The following REG1A variants were observed in gnomAD, a reference collection of about 807,000 sequenced individuals.
REG1A encodes the protein lithostathine-1-alpha.
Under a neutral mutation model 20.7 loss-of-function variants are expected in REG1A, and 20 were observed. The observed-to-expected ratio is 0.97, with a 90% CI of 0.68 to 1.41. REG1A has a LOEUF of 1.41. REG1A is among the 40% of genes most tolerant of loss of function. The pLI, the probability that REG1A is intolerant of heterozygous loss-of-function variation, is 0.00. For synonymous variants in REG1A, 90 were observed against 71.6 expected, an observed-to-expected ratio of 1.26 and a Z score of -1.30; for missense variants, 193 against 201.8, an observed-to-expected ratio of 0.96 and a Z score of 0.26.
chr2:79,120,820 T>A lies in REG1A; in HGVS notation c.-42T>A, dbSNP rs1672871590. 2 of 1,542,854 alleles carry A rather than the reference T, an allele frequency of 1.3e-6. No homozygotes were observed. Among genetic ancestry groups the A allele is most frequent in the Non-Finnish European group, 1.8e-6 (2 of 1,123,690 alleles). ...CTTCTCTGTGTTCTCCTATAGAGATTGTTGATTTGCCTCTTAAGCAAGAGA... is the reference window on the plus strand; with the variant it reads ...CTTCTCTGTGTTCTCCTATAGAGATAGTTGATTTGCCTCTTAAGCAAGAGA... On this transcript the variant is annotated 5_prime_UTR_variant, in exon 2 of 6. Coordinates refer to ENST00000233735, the MANE Select transcript of REG1A (RefSeq NM_002909.5).
Position 79,120,903 on chromosome 2 carries a change from G to A in REG1A, c.42G>A (p.Leu14=), listed in dbSNP as rs1235055407. ...TSSYFMLISC[L]MFLSQSQGQE... is the part of the protein sequence containing the mutation. ...CATACTTCATGCTGATCTCCTGCCT[G>A]ATGTTTCTGTCTCAGAGCCAAGGTA... Residue 14 remains leucine, a synonymous_variant, in exon 2 of 6, where the codon CTG becomes CTA. Coordinates refer to ENST00000233735, the MANE Select transcript of REG1A (RefSeq NM_002909.5). 20 of 1,613,016 alleles carry A rather than the reference G, an allele frequency of 1.2e-5. No homozygotes were observed. The highest frequency in any genetic ancestry group is 1.6e-5 in the Non-Finnish European group (19 of 1,179,564).
chr2:79,121,107 G>A (rs1672877990), intron 2 of REG1A, among the ~76,000 whole-genome samples, 182 bp downstream of exon 2: 1 of 152,042 alleles, frequency 6.6e-6, no homozygotes, highest in South Asian at 2.1e-4. Flanking sequence ...ACCTCATTAA[G>A]GAGTTGGAGC....
intron 1 of REG1A, 76 bp downstream of exon 1, chr2:79,120,590 AGTT>A: frequency 8.3e-6 from 3 of 361,826 alleles, no homozygotes; most frequent in Non-Finnish European, 1.5e-5. Context: ...ATACAGCATG[AGTT>A]TCTGTCCAAG....
rs1377518172 is a variant in REG1A at position 79,122,051 on chromosome 2, T to A, written c.247T>A (p.Phe83Ile). ...TGTGCTCACCCAGGCCGAGGGTGCC[T>A]TTGTGGCCTCACTGATTAAGGAGAG... Reference protein sequence around the residue: ...VSVLTQAEGAFVASLIKESGT... With the variant: ...VSVLTQAEGAIVASLIKESGT... The change falls in exon 4 of 6, where the codon TTT becomes ATT. Residue 83 changes from phenylalanine to isoleucine, a missense_variant. Phe to Ile is a conservative substitution (Grantham distance 21). Coordinates refer to ENST00000233735, the MANE Select transcript of REG1A (RefSeq NM_002909.5). 28 of 1,614,090 alleles carry A rather than the reference T, an allele frequency of 1.7e-5. No individual in the cohort carries two copies. Among genetic ancestry groups the A allele is most frequent in the Non-Finnish European group, 2.4e-5 (28 of 1,180,016 alleles).
chr2:79,123,047 C>CCTT (rs1558547167), intron 5 of REG1A, 95 bp downstream of exon 5: 1 of 1,435,222 alleles, frequency 7.0e-7, no homozygotes, highest in African/African-American at 1.4e-5. Context: ...GTGAACTCCT[C>CCTT]ATTAAGGAAA....
intron 4 of REG1A, 67 bp from the exon 5 acceptor site, chr2:79,122,774 C>A: frequency 9.5e-7 from 1 of 1,053,834 alleles, no homozygotes; most frequent in Non-Finnish European, 1.5e-6. Context: ...TGAGTGTGCA[C>A]ACAGGCCCAG....
At chr2:79,120,952 T>A (rs1380068385) in intron 2 of REG1A, 27 bp downstream of exon 2, 1 of 1,593,580 alleles carries the variant, frequency 6.3e-7, no homozygotes, top group Non-Finnish European at 8.6e-7. Flanking sequence ...ACCAACCAAC[T>A]CTTTCTAGCC....
rs773602919 is a variant in REG1A, at chr2:79,121,669, G to A, written c.172G>A (p.Val58Ile). Residue 58 changes from valine to isoleucine, a missense_variant, in exon 3 of 6, where the codon GTT becomes ATT. By Grantham distance (29) the Val-to-Ile change is conservative. Coordinates refer to ENST00000233735, the MANE Select transcript of REG1A (RefSeq NM_002909.5). ...YYFNEDRETW[V>I]DADLYCQNMN... Reference sequence around the variant, plus strand: ...CTTTAATGAAGACCGTGAGACCTGGGTTGATGCAGATGTGAGTGAGGAGAG... The same window carrying A: ...CTTTAATGAAGACCGTGAGACCTGGATTGATGCAGATGTGAGTGAGGAGAG... 2.5e-6 allele frequency: 4 copies of A among 1,613,998 alleles called. No individual in the cohort carries two copies. The South Asian group carries it at 4.4e-5, about 18-fold the overall frequency.
At chr2:79,121,266 A>C (rs535076743) in intron 2 of REG1A, among the ~76,000 whole-genome samples, 1 of 152,294 alleles carries the variant, frequency 6.6e-6, no homozygotes, top group South Asian at 2.1e-4. Flanking sequence ...GTGTTCAGGG[A>C]AACCAAGTCA....
Position 79,122,034 on chromosome 2 carries a change from C to T in REG1A, c.230C>T (p.Thr77Ile). The change falls in exon 4 of 6, where the codon ACC (threonine) becomes ATC (isoleucine). Residue 77 changes from threonine (T) to isoleucine (I), a missense_variant. Transcript: ENST00000233735. ...TCGGGCAACCTGGTGTCTGTGCTCA[C>T]CCAGGCCGAGGGTGCCTTTGTGGCC... ...MNSGNLVSVL[T>I]QAEGAFVASL... 6.2e-7 allele frequency: 1 copy of T among 1,614,094 alleles called. No individual in the cohort carries two copies. The highest frequency in any genetic ancestry group is 8.5e-7 in the Non-Finnish European group (1 of 1,180,022).
intron 2 of REG1A, 103 bp downstream of exon 2, chr2:79,121,028 C>T (rs2104062722): frequency 2.3e-6 from 2 of 887,618 alleles, no homozygotes; most frequent in Non-Finnish European, 3.5e-6. Flanking sequence ...AGCAGAGTCA[C>T]TGTTAAGGGT....
At chr2:79,122,780 C>A in intron 4 of REG1A, 61 bp from the exon 5 acceptor site, 3 of 1,094,392 alleles carry the variant, frequency 2.7e-6, no homozygotes, top group South Asian at 1.3e-5. Context: ...TGCACACAGG[C>A]CCAGTGATTC....
At chr2:79,122,441 G>C (rs79837966) in intron 4 of REG1A, among the ~76,000 whole-genome samples, 1 of 152,154 alleles carries the variant, frequency 6.6e-6, no homozygotes, top group Non-Finnish European at 1.5e-5. Flanking sequence ...CGACTATATA[G>C]GAAAGGAGAC....
intron 4 of REG1A, 131 bp downstream of exon 4, chr2:79,122,256 C>T (rs1352924941): frequency 1.1e-6 from 1 of 931,466 alleles, no homozygotes; most frequent in Non-Finnish European, 1.6e-6. Context: ...CCTCTAATGT[C>T]CTGTGTAGCA....
chr2:79,122,963 G>C lies in REG1A; in HGVS notation c.433+11G>C. 1.2e-6 allele frequency: 2 copies of C among 1,604,562 alleles called. No individual in the cohort carries two copies. Among genetic ancestry groups the C allele is most frequent in the Non-Finnish European group, 1.7e-6 (2 of 1,171,368 alleles). On this transcript the variant is annotated intron_variant, in intron 5 of 5. Coordinates refer to ENST00000233735, the MANE Select transcript of REG1A (RefSeq NM_002909.5). ...TGACCTCAAGCACAGGTGAGAGGCAGAGAATCCATCCACCTGTTTCTGTTC... is the reference window on the plus strand; with the variant it reads ...TGACCTCAAGCACAGGTGAGAGGCACAGAATCCATCCACCTGTTTCTGTTC...
rs764772254 is a variant in REG1A, at chr2:79,122,870, C to T, written c.351C>T (p.Ser117=). 9 of 1,613,500 alleles carry T rather than the reference C, an allele frequency of 5.6e-6. 1 individual carries two copies. In the Admixed American group the frequency reaches 1.0e-4, roughly 18 times the overall value. ...KNRRWHWSSG[S]LVSYKSWGIG... is the part of the protein sequence containing the mutation. The stretch of plus-strand genomic sequence containing the variant: ...GCCGCTGGCACTGGAGCAGTGGGTC[C>T]CTGGTCTCCTACAAGTCCTGGGGCA... The change falls in exon 5 of 6, where the codon TCC becomes TCT. Residue 117 remains serine, a synonymous_variant. Coordinates refer to ENST00000233735, the MANE Select transcript of REG1A (RefSeq NM_002909.5).
rs1293543915 is a variant in REG1A at position 79,123,279 on chromosome 2, C to T, written c.*64C>T. On this transcript the variant is annotated 3_prime_UTR_variant, in exon 6 of 6. Transcript: ENST00000233735. ...ATTACAACGGAGTCAAAAATTAAAC[C>T]GGACCATCTCTCCAACTCAACTCAA... 10 of 1,041,022 alleles carry T rather than the reference C, an allele frequency of 9.6e-6. No individual in the cohort carries two copies. The highest frequency in any genetic ancestry group is 7.3e-5 in the South Asian group (5 of 68,486). The allele number at this position is 1,041,022 out of a possible 1,614,324, so 64.5% of individuals were successfully genotyped here. A position where few individuals can be genotyped will look rare whatever the true frequency, so the allele number is the denominator to read the frequency against.
chr2:79,123,139 G>T lies in REG1A; in HGVS notation c.434-9G>T. The T allele has an allele frequency of 6.2e-7, 1 of 1,606,754 alleles. No individual in the cohort carries two copies. Among genetic ancestry groups the T allele is most frequent in the South Asian group, 1.1e-5 (1 of 90,548 alleles). ...TCTCCCAGTTGTAACTCTTCTCATT[G>T]ACTTATAGGATTCCAGAAATGGAAG... On this transcript the variant is annotated splice_polypyrimidine_tract_variant and intron_variant, in intron 5 of 5. Transcript: ENST00000233735.
At chr2:79,121,017 A>G in intron 2 of REG1A, 92 bp downstream of exon 2, 2 of 936,846 alleles carry the variant, frequency 2.1e-6, no homozygotes, top group East Asian at 2.5e-5. Context: ...AAAAAAAAAA[A>G]AGCAGAGTCA....
Sources: allele counts gnomAD v4.1 joint callset (sites outside exome capture counted in the v4.1 genomes callset), GRCh38; gene constraint gnomAD v4.1.1; transcripts MANE v1.5; gene names NCBI Gene and HGNC (gene_info 2026-07-23, HGNC 2026-07-21).